SLC35F3: variants seen among roughly 807,000 people sequenced by gnomAD.
SLC35F3 encodes the protein putative thiamine transporter SLC35F3.
Under a neutral mutation model 49.9 loss-of-function variants are expected in SLC35F3, and 25 were observed. The observed-to-expected ratio is 0.50, with a 90% CI of 0.37 to 0.70. The LOEUF (loss-of-function observed/expected upper bound fraction) is 0.70. Among genes scored for constraint, SLC35F3 ranks in the 30% least tolerant of loss-of-function variants. The pLI is 0.00. For synonymous variants in SLC35F3, 275 were observed against 265.4 expected, an observed-to-expected ratio of 1.04 and a Z score of -0.35; for missense variants, 525 against 639.8, an observed-to-expected ratio of 0.82 and a Z score of 1.94.
intron 2 of SLC35F3, among the ~76,000 whole-genome samples, chr1:234,206,511 T>C (rs1368836180): frequency 6.7e-6 from 1 of 148,616 alleles, no homozygotes; most frequent in Non-Finnish European, 1.5e-5. Context: ...GGGGGGGCTA[T>C]TTCCAGGGCT....
chr1:234,059,665 TAGAC>T (rs1664511985), intron 2 of SLC35F3, among the ~76,000 whole-genome samples: 2 of 114,170 alleles, frequency 1.8e-5, no homozygotes, highest in Non-Finnish European at 4.2e-5. Context: ...GACATAGACA[TAGAC>T]ATAGACATAG....
chr1:233,956,821 A>C (rs2358111), intron 2 of SLC35F3, among the ~76,000 whole-genome samples: 19,560 of 152,238 alleles, frequency 0.13, 1,545 homozygotes, highest in Admixed American at 0.21. Flanking sequence ...CGGGTAAAGA[A>C]CTGAAGCTGA....
intron 2 of SLC35F3, among the ~76,000 whole-genome samples, chr1:234,136,014 T>C (rs760648645): frequency 6.6e-6 from 1 of 152,248 alleles, no homozygotes; most frequent in Non-Finnish European, 1.5e-5. Flanking sequence ...CAAAAAGATA[T>C]ACTTGAGAAT....
chr1:234,017,336 G>T (rs755015963), intron 2 of SLC35F3, among the ~76,000 whole-genome samples: 2 of 152,178 alleles, frequency 1.3e-5, no homozygotes, highest in Non-Finnish European at 2.9e-5. Context: ...CTGGGAAAAA[G>T]ACAAGGTTAG....
At position 233,966,791 on chromosome 1, in the gene SLC35F3, G is replaced by C. The variant is rs146851092; in HGVS notation, c.283+61033G>C. On this transcript the variant is annotated intron_variant, in intron 2 of 7. Transcript: ENST00000366618. ...AAGGATCAAATACAGATTTATGGGG[G>C]TGGTTCTAGGAGTCTAATTGAAAAG... 1.4e-3 allele frequency among the ~76,000 whole-genome samples: 211 copies of C among 152,300 alleles called. 1 individual carries two copies. Among genetic ancestry groups the C allele is most frequent in the African/African-American group, 4.6e-3 (192 of 41,564 alleles).
chr1:233,943,187 A>G (rs1467346657), intron 2 of SLC35F3, among the ~76,000 whole-genome samples: 3 of 152,228 alleles, frequency 2.0e-5, no homozygotes, highest in Non-Finnish European at 2.9e-5. Context: ...GCTCTGTGAC[A>G]TTCATTTCCT....
chr1:234,024,176 A>G lies in SLC35F3; in HGVS notation c.283+118418A>G, dbSNP rs992944173. 2.6e-5 allele frequency among the ~76,000 whole-genome samples: 4 copies of G among 152,100 alleles called. 1 individual carries two copies. In the South Asian group the frequency reaches 8.3e-4, roughly 32 times the overall value. On this transcript the variant is annotated intron_variant, in intron 2 of 7. Transcript: ENST00000366618. ...AGGAACCCTTTATGCTATCTTTTCA[A>G]TTTTTCTATAAATCAAAACTATTCT...
intron 2 of SLC35F3, among the ~76,000 whole-genome samples, chr1:233,945,143 G>C (rs1190222491): frequency 2.0e-5 from 3 of 151,808 alleles, no homozygotes; most frequent in Non-Finnish European, 2.9e-5. Flanking sequence ...TGATCATGTT[G>C]TGAGCCCTGA....
chr1:234,014,789 C>T (rs532704706), intron 2 of SLC35F3, among the ~76,000 whole-genome samples: 47 of 151,896 alleles, frequency 3.1e-4, no homozygotes, highest in Admixed American at 2.4e-3. Flanking sequence ...AAGATCTGTA[C>T]GTTGAAAACT....
At chr1:234,049,905 G>A (rs530869582) in intron 2 of SLC35F3, among the ~76,000 whole-genome samples, 1 of 152,216 alleles carries the variant, frequency 6.6e-6, no homozygotes, top group African/African-American at 2.4e-5. Flanking sequence ...TTCTGTCCTT[G>A]CGATAGGTTG....
chr1:234,023,860 A>G (rs1006476076), intron 2 of SLC35F3, among the ~76,000 whole-genome samples: 3 of 152,050 alleles, frequency 2.0e-5, no homozygotes, highest in Admixed American at 6.5e-5. Flanking sequence ...AAGCCATTCT[A>G]TAAAATTCCT....
chr1:234,220,486 A>G (rs1667187755), intron 2 of SLC35F3, among the ~76,000 whole-genome samples: 1 of 152,226 alleles, frequency 6.6e-6, no homozygotes, highest in Non-Finnish European at 1.5e-5. Context: ...CCTCCTCGCC[A>G]TGAGCCCTTG....
At chr1:233,927,768 G>C (rs1401005883) in intron 2 of SLC35F3, among the ~76,000 whole-genome samples, 1 of 151,896 alleles carries the variant, frequency 6.6e-6, no homozygotes, top group East Asian at 1.9e-4. Flanking sequence ...ATATATAAGG[G>C]AGAAAATGGA....
At chr1:234,191,048 G>A (rs1014978185) in intron 2 of SLC35F3, among the ~76,000 whole-genome samples, 2 of 152,200 alleles carry the variant, frequency 1.3e-5, no homozygotes, top group South Asian at 2.1e-4. Flanking sequence ...GAGCAAGAAG[G>A]AGGAGGTAAT....
At chr1:234,053,632 C>T (rs959721836) in intron 2 of SLC35F3, among the ~76,000 whole-genome samples, 1 of 152,072 alleles carries the variant, frequency 6.6e-6, no homozygotes, top group Non-Finnish European at 1.5e-5. Context: ...GGGCATTTAG[C>T]CCATTTACAT....
At chr1:234,287,039 A>C (rs1668432011) in intron 3 of SLC35F3, among the ~76,000 whole-genome samples, 1 of 152,070 alleles carries the variant, frequency 6.6e-6, no homozygotes. Flanking sequence ...CAAAAAGTTA[A>C]AATTAAAAAA....
chr1:234,301,955 C>G (rs547259575), intron 3 of SLC35F3, among the ~76,000 whole-genome samples: 2 of 152,212 alleles, frequency 1.3e-5, no homozygotes, highest in East Asian at 1.9e-4. Flanking sequence ...AACCAAACAC[C>G]CCACATTCTC....
At chr1:234,004,232 A>G (rs1170713610) in intron 2 of SLC35F3, among the ~76,000 whole-genome samples, 1 of 152,222 alleles carries the variant, frequency 6.6e-6, no homozygotes, top group Non-Finnish European at 1.5e-5. Context: ...AATAAAATAT[A>G]CTAAATGATT....
chr1:233,928,437 G>C (rs1460983482), intron 2 of SLC35F3, among the ~76,000 whole-genome samples: 1 of 152,144 alleles, frequency 6.6e-6, no homozygotes, highest in Non-Finnish European at 1.5e-5. Context: ...ATAGTAGAGT[G>C]ATTAAGATGA....
Sources: allele counts gnomAD v4.1 joint callset (sites outside exome capture counted in the v4.1 genomes callset), GRCh38; gene constraint gnomAD v4.1.1; transcripts MANE v1.5; gene names NCBI Gene and HGNC (gene_info 2026-07-23, HGNC 2026-07-21).